The following DEF6 variants were observed in gnomAD, a reference collection of about 807,000 sequenced individuals.
DEF6 encodes DEF6 guanine nucleotide exchange factor.
Under a neutral mutation model 80.5 loss-of-function variants are expected in DEF6, and 32 were observed. The observed-to-expected ratio is 0.40, with a 90% CI of 0.30 to 0.53. The LOEUF (loss-of-function observed/expected upper bound fraction) is 0.53. DEF6 is among the 20% of genes least tolerant of loss of function. The pLI is 0.57. For missense variants in DEF6, 575 were observed against 818.7 expected (o/e 0.70, Z 3.63); for synonymous variants, 300 against 337.9 (o/e 0.89, Z 1.23).
intron 1 of DEF6, among the ~76,000 whole-genome samples, chr6:35,308,736 T>TAA (rs1396323813): frequency 9.2e-5 from 13 of 141,946 alleles, no homozygotes; most frequent in South Asian, 2.2e-4. Context: ...ATAAATAAAA[T>TAA]AATAAAATAA....
intron 1 of DEF6, among the ~76,000 whole-genome samples, chr6:35,308,755 AAAAT>A (rs1281085441): frequency 1.3e-5 from 2 of 149,938 alleles, no homozygotes; most frequent in Non-Finnish European, 3.0e-5. Flanking sequence ...AAAATAAAAT[AAAAT>A]AAAAAACAGT....
In DEF6 at chr6:35,311,187, C is replaced by T. The variant is rs76107617; in HGVS notation, c.423+543C>T. Among the ~76,000 whole-genome samples, 83 of 152,254 alleles carry T rather than the reference C, an allele frequency of 5.5e-4. No individual in the cohort carries two copies. The East Asian group carries it at 0.012, about 22-fold the overall frequency. On this transcript the variant is annotated intron_variant, in intron 3 of 10. Transcript: ENST00000316637. ...TGGGAATCTGGTCCCTATCTCCTTA[C>T]TCCTGGGTGAAGCCAGGGAAGGCAT... is the stretch of plus-strand genomic sequence containing the variant.
intron 1 of DEF6, among the ~76,000 whole-genome samples, chr6:35,305,721 T>C (rs1279303442): frequency 6.6e-6 from 1 of 151,546 alleles, no homozygotes; most frequent in Non-Finnish European, 1.5e-5. Context: ...TACAGCCGCC[T>C]GCCATCACAC....
chr6:35,300,610 C>A (rs181272207), intron 1 of DEF6, among the ~76,000 whole-genome samples: 1 of 152,308 alleles, frequency 6.6e-6, no homozygotes, highest in East Asian at 1.9e-4. Context: ...TCTTTGAATT[C>A]TTGTAGAAAG....
intron 1 of DEF6, among the ~76,000 whole-genome samples, chr6:35,303,746 C>T (rs923065522): frequency 1.3e-5 from 2 of 152,154 alleles, no homozygotes; most frequent in Non-Finnish European, 2.9e-5. Context: ...CCTGTAATCT[C>T]AGCACTTTGG....
At chr6:35,306,840 CTT>C (rs1562147473) in intron 1 of DEF6, among the ~76,000 whole-genome samples, 1 of 152,234 alleles carries the variant, frequency 6.6e-6, no homozygotes, top group Non-Finnish European at 1.5e-5. Flanking sequence ...ACCAGGTACT[CTT>C]CACTCAAAAC....
At position 35,317,949 on chromosome 6, in the gene DEF6, C is replaced by G; in HGVS notation, c.866C>G (p.Thr289Arg). 2 of 1,613,998 alleles carry G rather than the reference C, an allele frequency of 1.2e-6. No individual in the cohort carries two copies. Among genetic ancestry groups the G allele is most frequent in the Non-Finnish European group, 1.7e-6 (2 of 1,180,004 alleles). Residue 289 changes from threonine to arginine, a missense_variant, in exon 6 of 11, where the codon ACG becomes AGG. Transcript: ENST00000316637. ...CMFCVKTANR[T>R]YEMSASDTRQ... ...TTCTGTGTGAAGACAGCCAACCGCA[C>G]GTATGAGATGAGCGCCTCAGACACG... is the stretch of plus-strand genomic sequence containing the variant.
Position 35,317,973 on chromosome 6 carries a change from C to A in DEF6, c.890C>A (p.Thr297Lys). ...NRTYEMSASD[T>K]RQRQEWTAAI... Reference sequence around the variant, plus strand: ...ACGTATGAGATGAGCGCCTCAGACACGCGCCAGCGCCAGGAGTGGACAGCT... The same window carrying A: ...ACGTATGAGATGAGCGCCTCAGACAAGCGCCAGCGCCAGGAGTGGACAGCT... Residue 297 changes from threonine (T) to lysine (K), a missense_variant, in exon 6 of 11, where the codon ACG (threonine) becomes AAG (lysine). Physicochemically the swap from Thr to Lys is moderately conservative, Grantham distance 78. Coordinates refer to ENST00000316637, the MANE Select transcript of DEF6 (RefSeq NM_022047.4). 2 of 1,613,842 alleles carry A rather than the reference C, an allele frequency of 1.2e-6. No individual in the cohort carries two copies. Among genetic ancestry groups the A allele is most frequent in the South Asian group, 2.2e-5 (2 of 91,048 alleles).
chr6:35,298,758 C>T (rs1791275305), intron 1 of DEF6, among the ~76,000 whole-genome samples: 1 of 152,202 alleles, frequency 6.6e-6, no homozygotes, highest in African/African-American at 2.4e-5. Flanking sequence ...CCCTCAGCCA[C>T]TAGAATCAGC....
rs991793700 is a variant in DEF6, at chr6:35,318,577, G to A, written c.1215+106G>A. ...GGGCAGAGGGCGGAGCTCCTGGGTT[G>A]AGGGGCGTGCACTGGGGTGGAGCTT... On this transcript the variant is annotated intron_variant, in intron 7 of 10. Coordinates refer to ENST00000316637, the MANE Select transcript of DEF6 (RefSeq NM_022047.4). The surrounding 1 kb of genome is among the most constrained non-coding windows in gnomAD (Gnocchi z 5.1). 8.8e-6 allele frequency: 10 copies of A among 1,135,552 alleles called. No homozygotes were observed. The highest frequency in any genetic ancestry group is 2.2e-5 in the South Asian group (1 of 44,784). 70.3% of individuals were successfully genotyped at this position (1,135,552 alleles called of 1,614,324 possible).
Position 35,319,991 on chromosome 6 carries a change from C to T in DEF6, c.1555C>T (p.Arg519Trp). 1 of 1,563,596 alleles carries T rather than the reference C, an allele frequency of 6.4e-7. No homozygotes were observed. The highest frequency in any genetic ancestry group is 8.7e-7 in the Non-Finnish European group (1 of 1,153,286). The change falls in exon 9 of 11, where the codon CGG becomes TGG. Residue 519 changes from arginine to tryptophan, a missense_variant. Transcript: ENST00000316637. The surrounding 1 kb of genome is among the most constrained non-coding windows in gnomAD (Gnocchi z 4.5). ...GCAGCTGGAGGAGGTGCGGCAGAAC[C>T]GGCAGAGGGCTGACGAGGATGTGGA... ...QQQLEEVRQN[R>W]QRADEDVEAA...
rs1382299292 is a variant in DEF6 at position 35,318,426 on chromosome 6, C to T, written c.1170C>T (p.Arg390=). ...EEEERRRSQH[R]ELQQALEGQL... ...AGGAACGGCGCCGCAGCCAGCACCGCGAGCTGCAGCAGGCGCTCGAGGGCC... is the reference window on the plus strand; with the variant it reads ...AGGAACGGCGCCGCAGCCAGCACCGTGAGCTGCAGCAGGCGCTCGAGGGCC... The change falls in exon 7 of 11, where the codon CGC becomes CGT. Residue 390 remains arginine (R), a synonymous_variant. Transcript: ENST00000316637. This position sits in a 1 kb window ranked among gnomAD's most constrained non-coding sequence, Gnocchi z 5.1. 2.3e-5 allele frequency: 34 copies of T among 1,505,080 alleles called. No individual in the cohort carries two copies. Among genetic ancestry groups the T allele is most frequent in the Non-Finnish European group, 3.0e-5 (34 of 1,134,098 alleles). The allele number at this position is 1,505,080 out of a possible 1,614,324, so 93.2% of individuals were successfully genotyped here.
chr6:35,301,727 C>CTTTTTTTT (rs71538302), intron 1 of DEF6, among the ~76,000 whole-genome samples: 2 of 131,728 alleles, frequency 1.5e-5, no homozygotes, highest in African/African-American at 5.6e-5. Flanking sequence ...GGAGCTGTGT[C>CTTTTTTTT]TTTTTTTTTT....
chr6:35,318,475 G>T lies in DEF6; in HGVS notation c.1215+4G>T. ...CCAACTGCGCGAGGCGGAGCAGGTGGGGTTAGCTCCCGGCGCCGGGGACGG... is the reference window on the plus strand; with the variant it reads ...CCAACTGCGCGAGGCGGAGCAGGTGTGGTTAGCTCCCGGCGCCGGGGACGG... On this transcript the variant is annotated splice_donor_region_variant and intron_variant, in intron 7 of 10. Transcript: ENST00000316637. The surrounding 1 kb of genome is among the most constrained non-coding windows in gnomAD (Gnocchi z 5.1). The T allele has an allele frequency of 7.1e-7, 1 of 1,398,608 alleles. No homozygotes were observed. Among genetic ancestry groups the T allele is most frequent in the Non-Finnish European group, 9.2e-7 (1 of 1,085,470 alleles). The allele number at this position is 1,398,608 out of a possible 1,614,324, so 86.6% of individuals were successfully genotyped here. A position where few individuals can be genotyped will look rare whatever the true frequency, so the allele number is the denominator to read the frequency against.
rs1049628801 is a variant in DEF6 at position 35,318,735 on chromosome 6, T to C, written c.1215+264T>C. Among the ~76,000 whole-genome samples the C allele has an allele frequency of 6.6e-6, 1 of 152,090 alleles. No individual in the cohort carries two copies. The highest frequency in any genetic ancestry group is 1.5e-5 in the Non-Finnish European group (1 of 67,996). On this transcript the variant is annotated intron_variant, in intron 7 of 10. Transcript: ENST00000316637. The surrounding 1 kb of genome is among the most constrained non-coding windows in gnomAD (Gnocchi z 5.1). ...TCCGAGCCCGTGGATGGATGGGGCC[T>C]GGTTCGGAGACCTTGGCTGTGGGTT...
rs1791565110 is a variant in DEF6 at position 35,319,661 on chromosome 6, TGAA to T, written c.1357_1359del (p.Glu453del). ...AACTAGAGGTGAAAGCTCGGCGAGA[TGAA>T]GAATCTGTGCGAATCGCTCAGACCA... On this transcript the variant is annotated inframe_deletion, in exon 8 of 11. Transcript: ENST00000316637. This position sits in a 1 kb window ranked among gnomAD's most constrained non-coding sequence, Gnocchi z 4.5. 1 of 1,612,942 alleles carries T rather than the reference TGAA, an allele frequency of 6.2e-7. No individual in the cohort carries two copies. Among genetic ancestry groups the T allele is most frequent in the Non-Finnish European group, 8.5e-7 (1 of 1,179,444 alleles).
chr6:35,302,756 G>A (rs983428616), intron 1 of DEF6, among the ~76,000 whole-genome samples: 2 of 152,204 alleles, frequency 1.3e-5, no homozygotes, highest in African/African-American at 4.8e-5. Context: ...GAAACTCTGA[G>A]TCAGTAGGTC....
At chr6:35,313,181 C>G (rs1213854396) in intron 5 of DEF6, among the ~76,000 whole-genome samples, 2 of 151,604 alleles carry the variant, frequency 1.3e-5, no homozygotes, top group Non-Finnish European at 2.9e-5. Context: ...TCTGTTTCCT[C>G]CCTTGTGTTC....
Position 35,312,454 on chromosome 6 carries a change from C to A in DEF6, c.576C>A (p.Arg192=). ...WQFLELFNSG[R]CLRGVGRDTL... is the part of the protein sequence containing the mutation. The stretch of plus-strand genomic sequence containing the variant: ...TCCTGGAGCTCTTCAATTCGGGCCG[C>A]TGCCTGCGGGGCGTGGGCCGGGACA... The change falls in exon 4 of 11, where the codon CGC becomes CGA. Residue 192 remains arginine, a synonymous_variant. Coordinates refer to ENST00000316637, the MANE Select transcript of DEF6 (RefSeq NM_022047.4). The surrounding 1 kb of genome is among the most constrained non-coding windows in gnomAD (Gnocchi z 6.6). The A allele has an allele frequency of 4.3e-6, 7 of 1,614,154 alleles. No individual in the cohort carries two copies. Among genetic ancestry groups the A allele is most frequent in the East Asian group, 4.5e-5 (2 of 44,884 alleles).
Sources: gnomAD v4.1 joint callset for allele counts (sites outside exome capture counted in the v4.1 genomes callset) on GRCh38, gnomAD v4.1.1 for gene constraint, Gnocchi (gnomAD v3.1) non-coding constraint, MANE v1.5 for transcripts, NCBI Gene and HGNC (gene_info 2026-07-23, HGNC 2026-07-21) for gene names.